Variants in ANK1 observed in about 807,000 individuals in gnomAD.
ANK1 encodes ankyrin 1, also known as ankyrin-1.
A neutral mutation model predicts 210.4 loss-of-function variants in ANK1; 51 were observed. That is an observed-to-expected ratio of 0.24 (90% confidence interval 0.19 to 0.31). The LOEUF (loss-of-function observed/expected upper bound fraction) is 0.31, where lower values mean the gene tolerates loss of function less well. ANK1 is among the 10% of genes least tolerant of loss of function. The pLI, the probability that ANK1 is intolerant of heterozygous loss-of-function variation, is 1.00. For missense variants in ANK1, 2,051 were observed against 2,504.4 expected (o/e 0.82, Z 3.86); for synonymous variants, 967 against 1,025.9 (o/e 0.94, Z 1.10).
intron 1 of ANK1, among the ~76,000 whole-genome samples, chr8:41,781,906 C>T (rs1845413459): frequency 6.6e-6 from 1 of 152,182 alleles, no homozygotes; most frequent in African/African-American, 2.4e-5. Flanking sequence ...GCTGGGGGTC[C>T]CTGCTGCTGG....
intron 34 of ANK1, 109 bp downstream of exon 34, chr8:41,688,402 C>A: frequency 5.4e-6 from 8 of 1,470,914 alleles, no homozygotes; most frequent in Non-Finnish European, 7.6e-6. Context: ...TTGGAACTGG[C>A]TGAGCGAGCG....
rs1036062325 is a variant in ANK1, at chr8:41,765,284, G to T, written c.28-7147C>A. Among the ~76,000 whole-genome samples the T allele has an allele frequency of 2.0e-5, 3 of 149,390 alleles. No individual in the cohort carries two copies. In the Admixed American group the frequency reaches 2.0e-4, roughly 10 times the overall value. ...ACAGAGTCTCCCTCTTTCTTCCAGA[G>T]TGGTCCCCCAGTGGTGCAGTTATAG... On this transcript the variant is annotated intron_variant, in intron 1 of 42. Transcript: ENST00000289734.
chr8:41,686,617 C>T (rs1473553816), intron 35 of ANK1, among the ~76,000 whole-genome samples: 1 of 152,202 alleles, frequency 6.6e-6, no homozygotes, highest in Non-Finnish European at 1.5e-5. Context: ...TCAGCAACTT[C>T]TGCAAGGTCA....
At chr8:41,818,282 A>C (rs1377474146) in intron 1 of ANK1, among the ~76,000 whole-genome samples, 1 of 152,230 alleles carries the variant, frequency 6.6e-6, no homozygotes, top group African/African-American at 2.4e-5. Context: ...AGGGGCCCAG[A>C]GCTCCAGAGT....
At position 41,656,685 on chromosome 8, in the gene ANK1, G is replaced by C. The variant is rs574555505; in HGVS notation, c.*37-932C>G. Among the ~76,000 whole-genome samples, 10 of 152,352 alleles carry C rather than the reference G, an allele frequency of 6.6e-5. No homozygotes were observed. The South Asian group carries it at 2.1e-3, about 32-fold the overall frequency. On this transcript the variant is annotated intron_variant, in intron 42 of 42. Transcript: ENST00000289734. ...GGAGGAGGTGACAATCTCTTGGGCA[G>C]GGTGGGAAGTGACACAGGGAGGCAG...
intron 37 of ANK1, among the ~76,000 whole-genome samples, chr8:41,683,237 A>G (rs1185232983): frequency 6.6e-6 from 1 of 152,178 alleles, no homozygotes; most frequent in East Asian, 1.9e-4. Flanking sequence ...GACAGTGGAG[A>G]CAGTGGAGAC....
chr8:41,803,497 T>G (rs1850487125), intron 1 of ANK1: 1 of 152,204 alleles, frequency 6.6e-6, no homozygotes, highest in South Asian at 2.1e-4. Flanking sequence ...TAGACAATTA[T>G]TATTCACAAA....
chr8:41,706,626 C>G (rs1209242195), intron 17 of ANK1, among the ~76,000 whole-genome samples: 1 of 152,226 alleles, frequency 6.6e-6, no homozygotes, highest in Non-Finnish European at 1.5e-5. Flanking sequence ...ATGGCACTTT[C>G]CCATCGTTGG....
upstream of ANK1, chr8:41,797,695 G>A (rs530399699): frequency 5.3e-4 from 631 of 1,188,716 alleles, no homozygotes; most frequent in South Asian, 1.2e-3. This position sits in a 1 kb window ranked among gnomAD's most constrained non-coding sequence, Gnocchi z 4.0. Flanking sequence ...GTCGGGCCGG[G>A]CGCTCCCGGC....
intron 1 of ANK1, among the ~76,000 whole-genome samples, chr8:41,796,517 C>A (rs1848755784): frequency 6.7e-6 from 1 of 149,180 alleles, no homozygotes; most frequent in Admixed American, 6.7e-5. Flanking sequence ...GTGGGAGGCC[C>A]AAGCTTCCTC....
Position 41,768,936 on chromosome 8 carries a change from G to A in ANK1, c.28-10799C>T, listed in dbSNP as rs377119330. ...CAGTGAGCTATGATTGCAACACTGC[G>A]CTCCAGCCCAGGTGACAAGAGTGAG... is the stretch of plus-strand genomic sequence containing the variant. On this transcript the variant is annotated intron_variant, in intron 1 of 42. Coordinates refer to ENST00000289734, the MANE Select transcript of ANK1 (RefSeq NM_000037.4). 7.8e-4 allele frequency among the ~76,000 whole-genome samples: 118 copies of A among 152,164 alleles called. No homozygotes were observed. In the Middle Eastern group the frequency reaches 0.02, roughly 26 times the overall value.
chr8:41,786,829 T>G (rs2150754750), intron 1 of ANK1, among the ~76,000 whole-genome samples: 1 of 152,344 alleles, frequency 6.6e-6, no homozygotes, highest in African/African-American at 2.4e-5. Context: ...CTACAGATGC[T>G]TTTTAACCAA....
chr8:41,865,115 C>T (rs1251054465), intron 1 of ANK1, among the ~76,000 whole-genome samples: 2 of 150,600 alleles, frequency 1.3e-5, no homozygotes, highest in African/African-American at 2.5e-5. Context: ...GAGCTGAGGC[C>T]TCCCTGGCCA....
intron 42 of ANK1, among the ~76,000 whole-genome samples, chr8:41,658,386 C>T (rs1233309139): frequency 6.6e-6 from 1 of 152,200 alleles, no homozygotes; most frequent in Non-Finnish European, 1.5e-5. Flanking sequence ...TCACAGTTAC[C>T]ATTATTATTT....
intron 2 of ANK1, among the ~76,000 whole-genome samples, chr8:41,738,252 A>G (rs1489387735): frequency 6.6e-6 from 1 of 152,218 alleles, no homozygotes; most frequent in African/African-American, 2.4e-5. Flanking sequence ...CTCTCTCAGC[A>G]AGTGCCCTCC....
intron 1 of ANK1, among the ~76,000 whole-genome samples, chr8:41,878,775 AAG>A (rs1325220794): frequency 6.6e-6 from 1 of 152,140 alleles, no homozygotes; most frequent in Admixed American, 6.5e-5. Flanking sequence ...AAAAAAATAA[AAG>A]AGGGGCCAGG....
chr8:41,719,362 C>T (rs1342589858), intron 10 of ANK1, among the ~76,000 whole-genome samples: 2 of 152,204 alleles, frequency 1.3e-5, no homozygotes, highest in African/African-American at 2.4e-5. Context: ...GCCCCAAGCC[C>T]GCATACCTAC....
intron 9 of ANK1, among the ~76,000 whole-genome samples, chr8:41,722,054 T>C (rs141613837): frequency 5.4e-4 from 82 of 152,360 alleles, no homozygotes; most frequent in African/African-American, 1.9e-3. Flanking sequence ...TGAGGAGTTT[T>C]ACTTTTAGAT....
At chr8:41,767,009 C>A (rs1442937852) in intron 1 of ANK1, among the ~76,000 whole-genome samples, 1 of 152,154 alleles carries the variant, frequency 6.6e-6, no homozygotes, top group South Asian at 2.1e-4. Context: ...GGGCCCGGCC[C>A]CCCTCGGGGC....
Sources: allele counts gnomAD v4.1 joint callset (sites outside exome capture counted in the v4.1 genomes callset), GRCh38; gene constraint gnomAD v4.1.1; non-coding constraint Gnocchi (gnomAD v3.1); transcripts MANE v1.5; gene names NCBI Gene and HGNC (gene_info 2026-07-23, HGNC 2026-07-21).